Variants in CNOT2 observed in about 807,000 individuals in gnomAD.
CNOT2 encodes CC chemokine receptor 4-negative regulator of transcription 2.
In CNOT2, 7 loss-of-function variants were observed where a neutral mutation model predicts 72.1. The observed-to-expected ratio is 0.10, with a 90% CI of 0.06 to 0.18. The LOEUF (loss-of-function observed/expected upper bound fraction) is 0.18, where lower values mean the gene tolerates loss of function less well. CNOT2 is among the 10% of genes least tolerant of loss of function. The probability of loss-of-function intolerance (pLI) is 1.00; values close to 1 mark genes in which losing one functional copy is unlikely to be tolerated. For synonymous variants in CNOT2, 196 were observed against 225.6 expected (o/e 0.87, Z 1.17); for missense variants, 345 against 660.3 (o/e 0.52, Z 5.23).
At chr12:70,336,787 C>T (rs1880763793) in intron 8 of CNOT2, 1 of 152,170 alleles carries the variant, frequency 6.6e-6, no homozygotes, top group African/African-American at 2.4e-5. Context: ...TCTCTAGTTT[C>T]TCCATATCGT....
chr12:70,299,611 T>C (rs1164077315), intron 2 of CNOT2, among the ~76,000 whole-genome samples: 1 of 152,218 alleles, frequency 6.6e-6, no homozygotes, highest in African/African-American at 2.4e-5. Context: ...ATTTTCTTAA[T>C]CCAGTCTATC....
intron 2 of CNOT2, among the ~76,000 whole-genome samples, chr12:70,305,908 GATT>G (rs1483779340): frequency 5.2e-5 from 2 of 38,178 alleles, no homozygotes; most frequent in Admixed American, 6.0e-4. Context: ...AAATTTCTGT[GATT>G]ATTCTGATTT....
chr12:70,338,670 G>A lies in CNOT2; in HGVS notation c.1026G>A (p.Arg342=). 7 of 1,612,118 alleles carry A rather than the reference G, an allele frequency of 4.3e-6. No homozygotes were observed. Among genetic ancestry groups the A allele is most frequent in the Non-Finnish European group, 5.1e-6 (6 of 1,179,184 alleles). Residue 342 remains arginine, a synonymous_variant, in exon 11 of 16, where the codon CGG becomes CGA. Coordinates refer to ENST00000229195, the MANE Select transcript of CNOT2 (RefSeq NM_014515.7). ...AACTGTGTTTTTCCTACCCAGGTCGGGTTACTAACATTCCTCAAGGGATGG... is the reference window on the plus strand; with the variant it reads ...AACTGTGTTTTTCCTACCCAGGTCGAGTTACTAACATTCCTCAAGGGATGG... ...KKGIQVLPDG[R]VTNIPQGMVT...
rs1218520091 is a variant in CNOT2, at chr12:70,332,535, T to G, written c.570-232T>G. The G allele has an allele frequency of 1.3e-5, 7 of 537,946 alleles. No homozygotes were observed. In the South Asian group the frequency reaches 2.4e-4, roughly 18 times the overall value. The allele number at this position is 537,946 out of a possible 1,614,324, so 33.3% of individuals were successfully genotyped here. Reference sequence around the variant, plus strand: ...AAGGTTCATATATAAATTTTTGAGTTTTTGTTTTTTAACTAATCTGCCTAA... The same window carrying G: ...AAGGTTCATATATAAATTTTTGAGTGTTTGTTTTTTAACTAATCTGCCTAA... On this transcript the variant is annotated intron_variant, in intron 6 of 15. Coordinates refer to ENST00000229195, the MANE Select transcript of CNOT2 (RefSeq NM_014515.7).
chr12:70,345,512 T>C (rs1218239507), intron 14 of CNOT2: 1 of 152,194 alleles, frequency 6.6e-6, no homozygotes, highest in Non-Finnish European at 1.5e-5. Flanking sequence ...TAGGAAAGCA[T>C]TTCTTTACAT....
intron 2 of CNOT2, among the ~76,000 whole-genome samples, chr12:70,305,029 A>T (rs1005724830): frequency 6.6e-6 from 1 of 152,184 alleles, no homozygotes; most frequent in Non-Finnish European, 1.5e-5. Context: ...AAAGTGCAGT[A>T]TTAGGGTGGG....
intron 1 of CNOT2, among the ~76,000 whole-genome samples, chr12:70,255,885 A>G (rs1958415948): frequency 6.6e-6 from 1 of 152,172 alleles, no homozygotes. Flanking sequence ...ATGAACTTCT[A>G]GAAGATCTAC....
rs550938538 is a variant in CNOT2, at chr12:70,328,807, C to T, written c.239-616C>T. On this transcript the variant is annotated intron_variant, in intron 4 of 15. Coordinates refer to ENST00000229195, the MANE Select transcript of CNOT2 (RefSeq NM_014515.7). ...TAAATACAGGGGCATTATATTTTGA[C>T]GTCTTTTTAAATGTTTTAAAATTTT... is the stretch of plus-strand genomic sequence containing the variant. Among the ~76,000 whole-genome samples the T allele has an allele frequency of 1.8e-4, 27 of 150,486 alleles. No homozygotes were observed. The South Asian group carries it at 4.0e-3, about 22-fold the overall frequency.
At chr12:70,268,964 A>G (rs150165260) in intron 1 of CNOT2, among the ~76,000 whole-genome samples, 1 of 152,260 alleles carries the variant, frequency 6.6e-6, no homozygotes, top group East Asian at 1.9e-4. Context: ...TGCAACATAT[A>G]TTTTCAAAAT....
chr12:70,328,956 A>T (rs2117054), intron 4 of CNOT2, among the ~76,000 whole-genome samples: 46,625 of 151,758 alleles, frequency 0.31, 7,414 homozygotes, highest in Admixed American at 0.45. Context: ...CTAAAATATA[A>T]TTTTAAAGGA....
chr12:70,271,078 T>A (rs948687577), intron 1 of CNOT2, among the ~76,000 whole-genome samples: 6 of 152,226 alleles, frequency 3.9e-5, no homozygotes, highest in Non-Finnish European at 8.8e-5. Context: ...AGTGGTTTAA[T>A]AATTAATTCC....
intron 4 of CNOT2, chr12:70,327,767 A>G (rs1036664836): frequency 4.0e-5 from 6 of 151,856 alleles, no homozygotes; most frequent in African/African-American, 1.5e-4. Context: ...AGCTAGCACA[A>G]TGCGTGTTAC....
chr12:70,263,548 T>C (rs1958879678), intron 1 of CNOT2, among the ~76,000 whole-genome samples: 1 of 152,210 alleles, frequency 6.6e-6, no homozygotes, highest in Non-Finnish European at 1.5e-5. Context: ...ATATCTCTTT[T>C]TTTCTTATCT....
rs537635333 is a variant in CNOT2 at position 70,292,918 on chromosome 12, T to C, written c.48+14644T>C. 1.2e-4 allele frequency among the ~76,000 whole-genome samples: 19 copies of C among 152,344 alleles called. No homozygotes were observed. In the East Asian group the frequency reaches 2.1e-3, roughly 17 times the overall value. On this transcript the variant is annotated intron_variant, in intron 2 of 15. Coordinates refer to ENST00000229195, the MANE Select transcript of CNOT2 (RefSeq NM_014515.7). ...TTGCTAAAGGAATACTTTTCATTTT[T>C]AATTACTTCCTGTAACATAAATTAG... is the stretch of plus-strand genomic sequence containing the variant.
At chr12:70,336,209 AC>A (rs1565825120) in intron 8 of CNOT2, 1 of 152,042 alleles carries the variant, frequency 6.6e-6, no homozygotes, top group African/African-American at 2.4e-5. Context: ...CCTGTTGAAA[AC>A]CATTGCTCAT....
intron 2 of CNOT2, among the ~76,000 whole-genome samples, chr12:70,308,299 T>C (rs1408226488): frequency 1.3e-5 from 2 of 152,162 alleles, no homozygotes; most frequent in African/African-American, 4.8e-5. Context: ...CTGTGTTGTC[T>C]TTTTCTCTTG....
At chr12:70,257,354 C>CTTTTTTTTTTT (rs34175539) in intron 1 of CNOT2, among the ~76,000 whole-genome samples, 3 of 128,576 alleles carry the variant, frequency 2.3e-5, no homozygotes, top group Non-Finnish European at 3.2e-5. Context: ...CAACTACCCC[C>CTTTTTTTTTTT]TTTTTTTTTT....
intron 11 of CNOT2, among the ~76,000 whole-genome samples, chr12:70,340,889 C>CTTTT (rs55884675): frequency 3.5e-5 from 3 of 85,686 alleles, no homozygotes; most frequent in Admixed American, 1.3e-4. Context: ...AACCCCAAAT[C>CTTTT]TTTTTTTTTT....
intron 4 of CNOT2, among the ~76,000 whole-genome samples, chr12:70,319,903 T>G (rs1438570925): frequency 1.3e-5 from 2 of 151,764 alleles, no homozygotes; most frequent in Non-Finnish European, 3.0e-5. Context: ...TTTTGCAGGC[T>G]TCTACTTCTA....
Sources: gnomAD v4.1 joint callset for allele counts (sites outside exome capture counted in the v4.1 genomes callset) on GRCh38, gnomAD v4.1.1 for gene constraint, MANE v1.5 for transcripts, NCBI Gene and HGNC (gene_info 2026-07-23, HGNC 2026-07-21) for gene names.